Variants in FNBP1 observed in about 807,000 individuals in gnomAD.
FNBP1 encodes the protein formin-binding protein 1.
Under a neutral mutation model 90.6 loss-of-function variants are expected in FNBP1, and 26 were observed. That is an observed-to-expected ratio of 0.29 (90% CI 0.21 to 0.40). The LOEUF (loss-of-function observed/expected upper bound fraction) is 0.40, where lower values mean the gene tolerates loss of function less well. Among genes scored for constraint, FNBP1 ranks in the 10% least tolerant of loss-of-function variants. FNBP1 has a pLI of 1.00. For synonymous variants in FNBP1, 260 were observed against 265.2 expected (o/e 0.98, Z 0.19); for missense variants, 635 against 768.0 (o/e 0.83, Z 2.05).
chr9:129,939,424 G>A (rs2043999340), intron 6 of FNBP1, among the ~76,000 whole-genome samples: 1 of 151,918 alleles, frequency 6.6e-6, no homozygotes, highest in Non-Finnish European at 1.5e-5. Context: ...GTTATCACAT[G>A]TTATTCAGTA....
chr9:129,959,179 G>A (rs1412996620), intron 4 of FNBP1, among the ~76,000 whole-genome samples: 1 of 151,606 alleles, frequency 6.6e-6, no homozygotes, highest in African/African-American at 2.4e-5. Flanking sequence ...CACACCTGTA[G>A]TCAGTTACTT....
At chr9:129,964,435 A>AAAAC (rs771970992) in intron 4 of FNBP1, among the ~76,000 whole-genome samples, 9 of 152,166 alleles carry the variant, frequency 5.9e-5, no homozygotes, top group African/African-American at 1.2e-4. Flanking sequence ...ATAATAAGCT[A>AAAAC]AAACAAACAA....
chr9:129,912,690 CAAAAAAAA>C (rs35355384), intron 11 of FNBP1, among the ~76,000 whole-genome samples: 24 of 108,232 alleles, frequency 2.2e-4, no homozygotes, highest in African/African-American at 8.2e-4. Flanking sequence ...AACTCCATCT[CAAAAAAAA>C]AAAAAAAAAA....
At chr9:129,996,738 C>T (rs997629514) in intron 1 of FNBP1, among the ~76,000 whole-genome samples, 39 of 152,044 alleles carry the variant, frequency 2.6e-4, no homozygotes, top group African/African-American at 9.4e-4. Context: ...CGTGCTCTTT[C>T]CCCCAGGCTG....
rs1277688631 is a variant in FNBP1 at position 129,900,388 on chromosome 9, C to T, written c.1550+38G>A. On this transcript the variant is annotated intron_variant, in intron 14 of 16. Transcript: ENST00000446176. The surrounding 1 kb of genome is among the most constrained non-coding windows in gnomAD (Gnocchi z 4.1). ...TAGAAATAAATACAAAGCCAACAGGCTCCCTTGCCAGAGGCAGGCGCTGTG... is the reference window on the plus strand; with the variant it reads ...TAGAAATAAATACAAAGCCAACAGGTTCCCTTGCCAGAGGCAGGCGCTGTG... 10 of 1,491,952 alleles carry T rather than the reference C, an allele frequency of 6.7e-6. No individual in the cohort carries two copies. The highest frequency in any genetic ancestry group is 8.0e-6 in the Non-Finnish European group (9 of 1,121,466). 92.4% of individuals were successfully genotyped at this position (1,491,952 alleles called of 1,614,324 possible).
chr9:130,020,399 AG>A (rs1157321882), intron 1 of FNBP1, among the ~76,000 whole-genome samples: 4 of 152,150 alleles, frequency 2.6e-5, no homozygotes, highest in African/African-American at 9.6e-5. Flanking sequence ...TAGTAGAGAC[AG>A]GGTTTCACCA....
At chr9:129,924,748 C>T (rs1300703342) in intron 9 of FNBP1, among the ~76,000 whole-genome samples, 2 of 152,066 alleles carry the variant, frequency 1.3e-5, no homozygotes, top group African/African-American at 2.4e-5. Context: ...GTGGGAGTCA[C>T]GGTACGAGGA....
At chr9:129,959,086 GA>G (rs113974744) in intron 4 of FNBP1, among the ~76,000 whole-genome samples, 46 of 150,098 alleles carry the variant, frequency 3.1e-4, no homozygotes, top group South Asian at 2.1e-3. Flanking sequence ...CACTTGGGGG[GA>G]AAAAAAGCAG....
rs1305570038 is a variant in FNBP1 at position 129,958,500 on chromosome 9, C to T, written c.399G>A (p.Gln133=). ...AQQHIETCWK[Q]LESSKRRFER... ...TGCATTGTTCACTTACAGATTCAAG[C>T]TGCTTCCAGCAAGTCTCGATGTGCT... The change falls in exon 5 of 17, where the codon CAG becomes CAA. Residue 133 remains glutamine (Q), a synonymous_variant. Transcript: ENST00000446176. The T allele has an allele frequency of 6.9e-6, 11 of 1,595,460 alleles. No homozygotes were observed. The African/African-American group carries it at 1.2e-4, about 17-fold the overall frequency.
At chr9:129,965,809 G>GA (rs1824578915) in intron 4 of FNBP1, among the ~76,000 whole-genome samples, 1 of 56,234 alleles carries the variant, frequency 1.8e-5, no homozygotes, top group African/African-American at 8.6e-5. Context: ...GGGAAGGAGG[G>GA]AGGGAGGGAG....
At chr9:129,975,806 G>C (rs185735660) in intron 4 of FNBP1, among the ~76,000 whole-genome samples, 8 of 151,652 alleles carry the variant, frequency 5.3e-5, no homozygotes, top group Admixed American at 2.6e-4. Context: ...GGGAGGCTGA[G>C]GCAGGAGAAT....
At chr9:129,969,889 CTTTT>C (rs35399090) in intron 4 of FNBP1, among the ~76,000 whole-genome samples, 1 of 132,536 alleles carries the variant, frequency 7.5e-6, no homozygotes, top group Non-Finnish European at 1.6e-5. Context: ...ATATTCCTAA[CTTTT>C]TTTTTTTTTT....
Position 129,890,568 on chromosome 9 carries a change from A to G in FNBP1, c.1847-22T>C. 1 of 1,576,434 alleles carries G rather than the reference A, an allele frequency of 6.3e-7. No homozygotes were observed. Among genetic ancestry groups the G allele is most frequent in the South Asian group, 1.2e-5 (1 of 85,604 alleles). On this transcript the variant is annotated intron_variant, in intron 16 of 16. Coordinates refer to ENST00000446176, the MANE Select transcript of FNBP1 (RefSeq NM_015033.3). This position sits in a 1 kb window ranked among gnomAD's most constrained non-coding sequence, Gnocchi z 5.8. ...GAATCTACAACACAAAGAGAAACAG[A>G]AAGAGAAACTCTCTGTTAGAGAGGA...
intron 6 of FNBP1, among the ~76,000 whole-genome samples, chr9:129,950,786 A>T (rs1011282586): frequency 6.6e-6 from 1 of 151,990 alleles, no homozygotes; most frequent in Non-Finnish European, 1.5e-5. Flanking sequence ...TTTCTCTACT[A>T]CGACTTGTAC....
chr9:129,927,320 T>C lies in FNBP1; in HGVS notation c.664A>G (p.Arg222Gly), dbSNP rs753490934. ...GACTCTCCCATTCTCACAATCCTCC[T>C]TTCCTCCATCTCTTGTATTTTCTGC... is the stretch of plus-strand genomic sequence containing the variant. ...IFQKIQEMEERRIVRMGESMK... is the reference protein window; with the variant it reads ...IFQKIQEMEEGRIVRMGESMK... The change falls in exon 8 of 17, where the codon AGG becomes GGG. Residue 222 changes from arginine to glycine, a missense_variant. Physicochemically the swap from Arg to Gly is moderately radical, Grantham distance 125 (BLOSUM62 -2). Coordinates refer to ENST00000446176, the MANE Select transcript of FNBP1 (RefSeq NM_015033.3). 2.2e-5 allele frequency: 36 copies of C among 1,612,472 alleles called. No individual in the cohort carries two copies. Among genetic ancestry groups the C allele is most frequent in the Non-Finnish European group, 3.1e-5 (36 of 1,179,204 alleles).
chr9:129,918,764 G>C (rs1479986118), intron 10 of FNBP1, among the ~76,000 whole-genome samples: 2 of 151,930 alleles, frequency 1.3e-5, no homozygotes, highest in Non-Finnish European at 2.9e-5. Flanking sequence ...ACCACGCACT[G>C]CAGCTGTGTT....
intron 4 of FNBP1, among the ~76,000 whole-genome samples, chr9:129,968,985 A>C (rs1392192050): frequency 6.6e-6 from 1 of 152,218 alleles, no homozygotes. Flanking sequence ...ATATATGATT[A>C]GTGGTAATCG....
At chr9:129,981,347 C>T (rs1426336695) in intron 2 of FNBP1, among the ~76,000 whole-genome samples, 3 of 152,224 alleles carry the variant, frequency 2.0e-5, no homozygotes, top group East Asian at 1.9e-4. Flanking sequence ...CCTCGGCCCC[C>T]CAAAGTGCCA....
rs923487807 is a variant in FNBP1, at chr9:129,909,974, A to G, written c.1186-975T>C. ...CAAAATCAGTTTTCCACAGTGTACG[A>G]AACTCATCTCCGCGGTTTTTAATCT... On this transcript the variant is annotated intron_variant, in intron 11 of 16. Transcript: ENST00000446176. 3.3e-5 allele frequency among the ~76,000 whole-genome samples: 5 copies of G among 152,054 alleles called. No individual in the cohort carries two copies. In the South Asian group the frequency reaches 1.0e-3, roughly 32 times the overall value.
Sources: gnomAD v4.1 joint callset for allele counts (sites outside exome capture counted in the v4.1 genomes callset) on GRCh38, gnomAD v4.1.1 for gene constraint, Gnocchi (gnomAD v3.1) non-coding constraint, MANE v1.5 for transcripts, NCBI Gene and HGNC (gene_info 2026-07-23, HGNC 2026-07-21) for gene names.